PLCG2: variants seen among roughly 807,000 people sequenced by gnomAD.
PLCG2 encodes the protein phospholipase C gamma 2, also known as 1-phosphatidylinositol 4,5-bisphosphate phosphodiesterase gamma-2.
PLCG2 carries 69 observed loss-of-function variants against 175.6 expected under a neutral mutation model. That is an observed-to-expected ratio of 0.39 (90% CI 0.32 to 0.48). The LOEUF is 0.48. PLCG2 is among the 20% of genes least tolerant of loss of function. The probability of loss-of-function intolerance (pLI) is 0.91; values close to 1 mark genes in which losing one functional copy is unlikely to be tolerated. For missense variants in PLCG2, 1,798 were observed against 1,650.9 expected, an observed-to-expected ratio of 1.09 and a Z score of -1.54; for synonymous variants, 827 against 624.0, an observed-to-expected ratio of 1.33 and a Z score of -4.85.
chr16:81,896,599 A>G (rs1389633061), intron 13 of PLCG2, among the ~76,000 whole-genome samples: 2 of 152,046 alleles, frequency 1.3e-5, no homozygotes, highest in African/African-American at 4.8e-5. Context: ...ACCCAAAAAA[A>G]CAAAAACCAA....
rs35014411 is a variant in PLCG2 at position 81,805,783 on chromosome 16, G to GTTTTTTTTTTT, written c.193+19606_193+19616dup. The stretch of plus-strand genomic sequence containing the variant: ...TTTTGTTTTGTTTTTTTTTTTTTTT[G>GTTTTTTTTTTT]TTTTTTTTTTTTTTTGCTGTTATTG... On this transcript the variant is annotated intron_variant, in intron 2 of 32. Transcript: ENST00000564138. Among the ~76,000 whole-genome samples, 67 of 82,924 alleles carry GTTTTTTTTTTT rather than the reference G, an allele frequency of 8.1e-4. 2 individuals carry two copies. The highest frequency in any genetic ancestry group is 2.0e-3 in the African/African-American group (36 of 18,080). The allele number at this position is 82,924 out of a possible 152,430, so 54.4% of individuals were successfully genotyped here.
chr16:81,786,079 G>T lies in PLCG2; in HGVS notation c.90G>T (p.Val30=). The change falls in exon 2 of 33, where the codon GTG becomes GTT. Residue 30 remains valine (V), a synonymous_variant. Transcript: ENST00000564138. ...RALELGTVMT[V]FSFRKSTPER... Reference sequence around the variant, plus strand: ...TGGAGCTGGGGACGGTGATGACTGTGTTCAGCTTCCGCAAGTCCACCCCCG... The same window carrying T: ...TGGAGCTGGGGACGGTGATGACTGTTTTCAGCTTCCGCAAGTCCACCCCCG... The T allele has an allele frequency of 6.2e-7, 1 of 1,614,174 alleles. No individual in the cohort carries two copies. The highest frequency in any genetic ancestry group is 1.1e-5 in the South Asian group (1 of 91,082).
At chr16:81,825,659 G>T (rs1309733587) in intron 2 of PLCG2, among the ~76,000 whole-genome samples, 2 of 152,188 alleles carry the variant, frequency 1.3e-5, no homozygotes, top group African/African-American at 2.4e-5. Flanking sequence ...CAGTTTAATT[G>T]TAACTTTAAT....
chr16:81,958,576 G>C lies in PLCG2; in HGVS notation c.*578G>C, dbSNP rs1911666961. The C allele has an allele frequency of 8.7e-6, 2 of 230,614 alleles. No homozygotes were observed. Among genetic ancestry groups the C allele is most frequent in the African/African-American group, 4.4e-5 (2 of 45,190 alleles). 14.3% of individuals were successfully genotyped at this position (230,614 alleles called of 1,614,324 possible). A position where few individuals can be genotyped will look rare whatever the true frequency, so the allele number is the denominator to read the frequency against. ...CCACAAGAAAATGGCTGAGTGATGGGATCTGTTCATTAAGACAATTTCTAA... is the reference window on the plus strand; with the variant it reads ...CCACAAGAAAATGGCTGAGTGATGGCATCTGTTCATTAAGACAATTTCTAA... On this transcript the variant is annotated 3_prime_UTR_variant, in exon 33 of 33. Coordinates refer to ENST00000564138, the MANE Select transcript of PLCG2 (RefSeq NM_002661.5).
At chr16:81,877,779 G>A (rs999773395) in intron 7 of PLCG2, among the ~76,000 whole-genome samples, 4 of 147,872 alleles carry the variant, frequency 2.7e-5, no homozygotes, top group Non-Finnish European at 4.5e-5. Flanking sequence ...TCATTGCATC[G>A]CTCCTTGGCT....
chr16:81,776,101 T>TTTTTTCTTTCTTTCTTTCTTTC, upstream of PLCG2, among the ~76,000 whole-genome samples: 1 of 55,364 alleles, frequency 1.8e-5, no homozygotes, highest in Non-Finnish European at 4.1e-5. Flanking sequence ...TTCTTTCTTT[T>TTTTTTCTTTCTTTCTTTCTTTC]TTTCCTTCTT....
chr16:81,928,891 A>C, intron 24 of PLCG2: 1 of 408,984 alleles, frequency 2.4e-6, no homozygotes, highest in South Asian at 7.7e-5. Flanking sequence ...TACCAGCGTC[A>C]CTCTTATTAT....
chr16:81,952,870 G>A lies in PLCG2; in HGVS notation c.3571-3825G>A, dbSNP rs540281968. Among the ~76,000 whole-genome samples, 42 of 152,264 alleles carry A rather than the reference G, an allele frequency of 2.8e-4. 1 individual carries two copies. The highest frequency in any genetic ancestry group is 7.2e-4 in the Admixed American group (11 of 15,294). On this transcript the variant is annotated intron_variant, in intron 31 of 32. Transcript: ENST00000564138. ...TTCCATTGTCCCAAAAGTGTCTTCC[G>A]CCAAGAAATTTATCAATTAGAAAGA...
chr16:81,934,653 G>T, intron 26 of PLCG2, 122 bp downstream of exon 26: 1 of 687,764 alleles, frequency 1.5e-6, no homozygotes, highest in South Asian at 1.8e-5. Context: ...CCCAGTAGAT[G>T]GCCCCACCTT....
At chr16:81,925,635 C>T (rs374967208) in intron 22 of PLCG2, among the ~76,000 whole-genome samples, 1 of 152,172 alleles carries the variant, frequency 6.6e-6, no homozygotes. Flanking sequence ...CGCCTGTAAT[C>T]CCAGCACTTT....
intron 25 of PLCG2, among the ~76,000 whole-genome samples, chr16:81,933,784 AG>A (rs1910601046): frequency 6.6e-6 from 1 of 152,214 alleles, no homozygotes; most frequent in Non-Finnish European, 1.5e-5. Context: ...GGCCAATAAA[AG>A]TCTGATAGAA....
rs1389137871 is a variant in PLCG2, at chr16:81,854,638, C to T, written c.337+51C>T. On this transcript the variant is annotated intron_variant, in intron 3 of 32. Transcript: ENST00000564138. ...TCCTTCCCTGTGCCTTAGTGTCTTC[C>T]TGAAGAAGTTCGCTAATAGCAGAAT... 4.5e-6 allele frequency: 7 copies of T among 1,557,772 alleles called. No homozygotes were observed. The African/African-American group carries it at 5.4e-5, about 12-fold the overall frequency.
intron 31 of PLCG2, among the ~76,000 whole-genome samples, chr16:81,950,257 A>G (rs891718100): frequency 5.3e-5 from 8 of 152,212 alleles, no homozygotes; most frequent in African/African-American, 1.9e-4. Context: ...TGGATGGAAG[A>G]GTTACTGGGA....
At chr16:81,944,723 G>A (rs916095159) in intron 30 of PLCG2, among the ~76,000 whole-genome samples, 1 of 152,100 alleles carries the variant, frequency 6.6e-6, no homozygotes, top group African/African-American at 2.4e-5. Context: ...TGATCCTCCT[G>A]CCTTGCCCTC....
At chr16:81,900,212 C>T (rs1056075149) in intron 13 of PLCG2, among the ~76,000 whole-genome samples, 8 of 152,126 alleles carry the variant, frequency 5.3e-5, no homozygotes, top group East Asian at 3.9e-4. Flanking sequence ...TGGATGCACA[C>T]GTGGAACAGC....
chr16:81,820,130 T>G (rs1379713170), intron 2 of PLCG2, among the ~76,000 whole-genome samples: 1 of 152,222 alleles, frequency 6.6e-6, no homozygotes, highest in African/African-American at 2.4e-5. Context: ...TTTAAGAACT[T>G]TTTAAAATGA....
rs896590351 is a variant in PLCG2, at chr16:81,819,792, G to C, written c.193+33610G>C. ...CAGAGATGGGGGTTTCACCATGTTG[G>C]CCAGGCTGGTCTCGAACTCCTGACC... On this transcript the variant is annotated intron_variant, in intron 2 of 32. Coordinates refer to ENST00000564138, the MANE Select transcript of PLCG2 (RefSeq NM_002661.5). 1.2e-4 allele frequency among the ~76,000 whole-genome samples: 19 copies of C among 152,168 alleles called. No homozygotes were observed. In the East Asian group the frequency reaches 3.7e-3, roughly 29 times the overall value.
At chr16:81,787,353 C>G (rs1911017312) in intron 2 of PLCG2, among the ~76,000 whole-genome samples, 1 of 149,474 alleles carries the variant, frequency 6.7e-6, no homozygotes, top group South Asian at 2.1e-4. Flanking sequence ...TCCCAAGTAG[C>G]TGGGACCATG....
At chr16:81,901,581 C>G (rs1162735683) in intron 14 of PLCG2, among the ~76,000 whole-genome samples, 2 of 151,968 alleles carry the variant, frequency 1.3e-5, no homozygotes, top group Non-Finnish European at 2.9e-5. Context: ...ACGTGAACTT[C>G]AACAGAAAAA....
Sources: allele counts gnomAD v4.1 joint callset (sites outside exome capture counted in the v4.1 genomes callset), GRCh38; gene constraint gnomAD v4.1.1; transcripts MANE v1.5; gene names NCBI Gene and HGNC (gene_info 2026-07-23, HGNC 2026-07-21).